PPFIA1: variants seen among roughly 807,000 people sequenced by gnomAD.
The protein encoded by PPFIA1 is liprin-alpha-1.
Under a neutral mutation model 149.9 loss-of-function variants are expected in PPFIA1, and 25 were observed. The ratio of observed to expected loss-of-function variants is 0.17; its 90% CI spans 0.12 to 0.23. The LOEUF (loss-of-function observed/expected upper bound fraction) is 0.23, where lower values mean the gene tolerates loss of function less well. Ranked by LOEUF, PPFIA1 falls within the 10% of genes least tolerant of loss-of-function variation. The pLI is 1.00. For synonymous variants in PPFIA1, 549 were observed against 552.8 expected (o/e 0.99, Z 0.10); for missense variants, 1,362 against 1,506.5 (o/e 0.90, Z 1.59).
At chr11:70,355,597 C>T (rs1246716386) in intron 17 of PPFIA1, 42 bp from the exon 18 acceptor site, 2 of 1,552,916 alleles carry the variant, frequency 1.3e-6, no homozygotes, top group East Asian at 2.2e-5. Flanking sequence ...GTGAAGTATC[C>T]TACAAGGGCA....
At chr11:70,302,777 T>C (rs2052573353) in intron 2 of PPFIA1, among the ~76,000 whole-genome samples, 1 of 151,770 alleles carries the variant, frequency 6.6e-6, no homozygotes, top group Non-Finnish European at 1.5e-5. Flanking sequence ...CCATTTTTTT[T>C]TTTTTTTTTT....
chr11:70,279,620 G>A (rs2050620771), intron 2 of PPFIA1, among the ~76,000 whole-genome samples: 2 of 150,016 alleles, frequency 1.3e-5, no homozygotes, highest in Non-Finnish European at 1.5e-5. Flanking sequence ...TGTTGCCCAA[G>A]TTGGAGTGCA....
At chr11:70,366,001 A>T (rs932249228) in intron 21 of PPFIA1, 7 of 453,036 alleles carry the variant, frequency 1.5e-5, no homozygotes, top group Non-Finnish European at 2.7e-5. Flanking sequence ...TCTTCACTAC[A>T]TGTACAGCAG....
intron 16 of PPFIA1, chr11:70,350,949 A>G (rs1485495275): frequency 4.3e-6 from 5 of 1,173,678 alleles, no homozygotes; most frequent in African/African-American, 1.6e-5. Context: ...CAAAGTGTAT[A>G]TAGTAAATCT....
rs71049904 is a variant in PPFIA1, at chr11:70,315,678, G to GTT, written c.265-8700_265-8699dup. Among the ~76,000 whole-genome samples, 565 of 72,978 alleles carry GTT rather than the reference G, an allele frequency of 7.7e-3. 2 individuals are homozygous for GTT. The highest frequency in any genetic ancestry group is 0.029 in the Middle Eastern group (2 of 70). 47.9% of individuals were successfully genotyped at this position (72,978 alleles called of 152,430 possible). Reference sequence around the variant, plus strand: ...GCCTTCTGTGAAGTTCTTTTTTTCTGTTTTTTTTTTTTTTTTTTTTTTTTT... The same window carrying GTT: ...GCCTTCTGTGAAGTTCTTTTTTTCTGTTTTTTTTTTTTTTTTTTTTTTTTTTT... On this transcript the variant is annotated intron_variant, in intron 2 of 27. Transcript: ENST00000253925.
chr11:70,343,666 T>C lies in PPFIA1; in HGVS notation c.1708-3T>C. On this transcript the variant is annotated splice_polypyrimidine_tract_variant and splice_region_variant and intron_variant, in intron 14 of 27. Transcript: ENST00000253925. ...TACTGAGATTTGGTTTTCTTGTTTA[T>C]AGGTACAAACTCTTAATGAGCAGGA... The C allele has an allele frequency of 6.2e-7, 1 of 1,613,552 alleles. No individual in the cohort carries two copies. Among genetic ancestry groups the C allele is most frequent in the African/African-American group, 1.3e-5 (1 of 75,054 alleles).
At chr11:70,371,080 C>T (rs1160384141) in intron 21 of PPFIA1, among the ~76,000 whole-genome samples, 3 of 152,116 alleles carry the variant, frequency 2.0e-5, no homozygotes, top group African/African-American at 7.2e-5. Flanking sequence ...TGCAGTGATC[C>T]GAGGTCGCGC....
At chr11:70,379,128 C>T (rs559176) in intron 26 of PPFIA1, among the ~76,000 whole-genome samples, 2 of 151,874 alleles carry the variant, frequency 1.3e-5, no homozygotes, top group Admixed American at 6.6e-5. Context: ...CCGTGTCAGT[C>T]GGGGCTGTTT....
chr11:70,383,348 AAT>A lies in PPFIA1; in HGVS notation c.*360_*361del, dbSNP rs2057778138. On this transcript the variant is annotated 3_prime_UTR_variant, in exon 28 of 28. Coordinates refer to ENST00000253925, the MANE Select transcript of PPFIA1 (RefSeq NM_003626.5). ...AATGCTTGTATGTATAAATCCTATG[AAT>A]AGAGGGCTTTTGTAAATTATGCATT... is the stretch of plus-strand genomic sequence containing the variant. 1.1e-5 allele frequency: 2 copies of A among 187,468 alleles called. No individual in the cohort carries two copies. The highest frequency in any genetic ancestry group is 1.3e-4 in the Admixed American group (2 of 15,454). 11.6% of individuals were successfully genotyped at this position (187,468 alleles called of 1,614,324 possible).
intron 2 of PPFIA1, among the ~76,000 whole-genome samples, chr11:70,298,960 C>T (rs772348601): frequency 1.9e-4 from 29 of 152,226 alleles, no homozygotes; most frequent in Non-Finnish European, 8.8e-5. Context: ...TGTTCTGGGC[C>T]GGGCACAGTG....
intron 16 of PPFIA1, among the ~76,000 whole-genome samples, chr11:70,349,170 A>G (rs897074939): frequency 6.6e-6 from 1 of 151,668 alleles, no homozygotes; most frequent in Non-Finnish European, 1.5e-5. Context: ...AAAAACATGA[A>G]ATGGGTTCTG....
chr11:70,294,212 G>C (rs1051509451), intron 2 of PPFIA1, among the ~76,000 whole-genome samples: 1 of 152,046 alleles, frequency 6.6e-6, no homozygotes, highest in African/African-American at 2.4e-5. Flanking sequence ...AAAGTGCTGG[G>C]ATGACAGGTG....
intron 21 of PPFIA1, chr11:70,367,476 G>T (rs2057000322): frequency 4.4e-6 from 2 of 455,210 alleles, no homozygotes; most frequent in African/African-American, 2.0e-5. Context: ...CCCATTTTAT[G>T]GAGTTCATAA....
chr11:70,312,794 C>T (rs1182512823), intron 2 of PPFIA1, among the ~76,000 whole-genome samples: 1 of 152,226 alleles, frequency 6.6e-6, no homozygotes, highest in Non-Finnish European at 1.5e-5. Flanking sequence ...TGGGTTCCCC[C>T]TGGGTGCCCA....
chr11:70,365,358 C>T (rs1399007233), intron 21 of PPFIA1: 14 of 456,386 alleles, frequency 3.1e-5, no homozygotes, highest in Admixed American at 7.1e-5. Flanking sequence ...GGTTGGTGCA[C>T]TGGGGTCACC....
At chr11:70,382,043 CTGCACGCTGTGTT>C in intron 26 of PPFIA1, 32 bp from the exon 27 acceptor site, 2 of 1,574,570 alleles carry the variant, frequency 1.3e-6, no homozygotes, top group African/African-American at 1.3e-5. Flanking sequence ...CTAAGACTAA[CTGCACGCTGTGTT>C]TGCACGCTTC....
intron 21 of PPFIA1, among the ~76,000 whole-genome samples, chr11:70,369,877 T>C (rs970660644): frequency 6.6e-6 from 1 of 151,938 alleles, no homozygotes; most frequent in Admixed American, 6.6e-5. Context: ...ACTCAAGCCA[T>C]CCTCCTGCTT....
chr11:70,332,013 G>A lies in PPFIA1; in HGVS notation c.1131G>A (p.Lys377=). 6.2e-7 allele frequency: 1 copy of A among 1,613,322 alleles called. No homozygotes were observed. Among genetic ancestry groups the A allele is most frequent in the Non-Finnish European group, 8.5e-7 (1 of 1,179,642 alleles). ...LQERLELAEQ[K]LQQTLRKAET... ...AGCGCTTGGAATTGGCAGAGCAAAA[G>A]CTGCAACAGACACTGAGGAAGGCAG... The change falls in exon 9 of 28, where the codon AAG becomes AAA. Residue 377 remains lysine, a synonymous_variant. Transcript: ENST00000253925.
At position 70,372,285 on chromosome 11, in the gene PPFIA1, A is replaced by G. The variant is rs1296743703; in HGVS notation, c.2936A>G (p.Gln979Arg). The G allele has an allele frequency of 6.2e-7, 1 of 1,614,216 alleles. No individual in the cohort carries two copies. The highest frequency in any genetic ancestry group is 8.5e-7 in the Non-Finnish European group (1 of 1,180,032). ...NEWLPSLGLPQYRSYFMECLV... is the reference protein window; with the variant it reads ...NEWLPSLGLPRYRSYFMECLV... ...TGGCTCCCCAGCCTGGGCCTCCCCCAGTACCGCAGCTACTTCATGGAGTGC... is the reference window on the plus strand; with the variant it reads ...TGGCTCCCCAGCCTGGGCCTCCCCCGGTACCGCAGCTACTTCATGGAGTGC... Residue 979 changes from glutamine to arginine, a missense_variant, in exon 22 of 28, where the codon CAG becomes CGG. Transcript: ENST00000253925.
Sources: gnomAD v4.1 joint callset for allele counts (sites outside exome capture counted in the v4.1 genomes callset) on GRCh38, gnomAD v4.1.1 for gene constraint, MANE v1.5 for transcripts, NCBI Gene and HGNC (gene_info 2026-07-23, HGNC 2026-07-21) for gene names.